Variants in VPS35L observed in about 807,000 individuals in gnomAD.
VPS35L encodes the protein VPS35 endosomal protein-sorting factor-like.
A neutral mutation model predicts 133.0 loss-of-function variants in VPS35L; 83 were observed. That is an observed-to-expected ratio of 0.62 (90% CI 0.52 to 0.75). The LOEUF (loss-of-function observed/expected upper bound fraction) is 0.75. VPS35L is among the 30% of genes least tolerant of loss of function. VPS35L has a pLI of 0.00. For missense variants in VPS35L, 1,083 were observed against 1,206.8 expected, an observed-to-expected ratio of 0.90 and a Z score of 1.52; for synonymous variants, 423 against 449.9, an observed-to-expected ratio of 0.94 and a Z score of 0.76.
chr16:19,630,879 C>A (rs1255523784), intron 18 of VPS35L, among the ~76,000 whole-genome samples: 1 of 152,058 alleles, frequency 6.6e-6, no homozygotes, highest in Non-Finnish European at 1.5e-5. Context: ...TATGGTGACA[C>A]CTGCCTGTAG....
At chr16:19,681,434 T>C (rs1395568015) in intron 27 of VPS35L, among the ~76,000 whole-genome samples, 1 of 152,132 alleles carries the variant, frequency 6.6e-6, no homozygotes, top group African/African-American at 2.4e-5. Context: ...CCCACCTTAA[T>C]GTGGCTGGGG....
At chr16:19,596,331 A>G (rs1019827838) in intron 8 of VPS35L, among the ~76,000 whole-genome samples, 3 of 151,892 alleles carry the variant, frequency 2.0e-5, no homozygotes, top group Non-Finnish European at 2.9e-5. Context: ...CCACAGTGCA[A>G]TGGGGTGATC....
chr16:19,655,026 T>C lies in VPS35L; in HGVS notation c.2221+2936T>C, dbSNP rs552478077. 7.2e-5 allele frequency among the ~76,000 whole-genome samples: 11 copies of C among 152,324 alleles called. 1 individual carries two copies. The highest frequency in any genetic ancestry group is 3.4e-3 in the Middle Eastern group (1 of 294). Reference sequence around the variant, plus strand: ...AAAGATTTGGTGCTCCCAAGAACTGTTGAAGGAGAGCTGTAAGTAGTTTCT... The same window carrying C: ...AAAGATTTGGTGCTCCCAAGAACTGCTGAAGGAGAGCTGTAAGTAGTTTCT... On this transcript the variant is annotated intron_variant, in intron 26 of 30. Transcript: ENST00000417362.
At position 19,637,577 on chromosome 16, in the gene VPS35L, GTT is replaced by G. The variant is rs745335832; in HGVS notation, c.1636-15_1636-14del. On this transcript the variant is annotated splice_polypyrimidine_tract_variant and intron_variant, in intron 19 of 30. Transcript: ENST00000417362. ...TTAAGTTTTTAAAAATAATATTTTT[GTT>G]TGTTTGTTTTACAGCTTCAGTTAAT... 4.0e-6 allele frequency: 6 copies of G among 1,482,248 alleles called. No homozygotes were observed. The highest frequency in any genetic ancestry group is 5.5e-6 in the Non-Finnish European group (6 of 1,094,342). 91.8% of individuals were successfully genotyped at this position (1,482,248 alleles called of 1,614,324 possible).
intron 8 of VPS35L, 165 bp from the exon 9 acceptor site, chr16:19,601,499 C>CA (rs928646172): frequency 1.1e-4 from 66 of 628,418 alleles, no homozygotes; most frequent in Admixed American, 9.9e-4. Flanking sequence ...AAAAACAAAA[C>CA]AAAAAAAATG....
At chr16:19,695,896 ATTTTT>A (rs770219816) in intron 29 of VPS35L, among the ~76,000 whole-genome samples, 14 of 147,942 alleles carry the variant, frequency 9.5e-5, no homozygotes, top group African/African-American at 3.3e-4. Flanking sequence ...CTTTTATTTT[ATTTTT>A]TTTTTGAGAC....
chr16:19,610,211 A>C (rs1972666675), intron 11 of VPS35L, 111 bp from the exon 12 acceptor site: 2 of 909,260 alleles, frequency 2.2e-6, no homozygotes, highest in African/African-American at 1.7e-5. Flanking sequence ...CTGAAACTTG[A>C]TTTTTCCCCC....
At chr16:19,697,146 CG>C (rs1336100632) in intron 29 of VPS35L, among the ~76,000 whole-genome samples, 1 of 152,190 alleles carries the variant, frequency 6.6e-6, no homozygotes, top group Admixed American at 6.5e-5. Flanking sequence ...TTGTAGCCCG[CG>C]GGCCTGGGCG....
rs1973341972 is a variant in VPS35L at position 19,628,562 on chromosome 16, T to C, written c.1384-75T>C. The C allele has an allele frequency of 3.7e-6, 3 of 811,614 alleles. No homozygotes were observed. In the South Asian group the frequency reaches 5.4e-5, roughly 15 times the overall value. 50.3% of individuals were successfully genotyped at this position (811,614 alleles called of 1,614,324 possible). The stretch of plus-strand genomic sequence containing the variant: ...AAGGATTAAACATTACAACCTTTTC[T>C]CTTTTCTTTTCTTTGAGCTTCAAGT... On this transcript the variant is annotated intron_variant, in intron 16 of 30. Coordinates refer to ENST00000417362, the MANE Select transcript of VPS35L (RefSeq NM_020314.7).
At chr16:19,570,172 C>A (rs989115504) in intron 3 of VPS35L, among the ~76,000 whole-genome samples, 3 of 152,110 alleles carry the variant, frequency 2.0e-5, no homozygotes, top group Non-Finnish European at 2.9e-5. Context: ...TCAAGCAATT[C>A]TCTCACCTCA....
rs1972053215 is a variant in VPS35L at position 19,591,821 on chromosome 16, T to C, written c.671T>C (p.Ile224Thr). 4 of 1,613,346 alleles carry C rather than the reference T, an allele frequency of 2.5e-6. No homozygotes were observed. The highest frequency in any genetic ancestry group is 2.7e-5 in the African/African-American group (2 of 75,008). ...AAGCTTCTTTCAGACACCAGTGTTA[T>C]TCAGTTCTACCCAAGCAAATTTGTC... ...CSKLLSDTSV[I>T]QFYPSKFVLI... Residue 224 changes from isoleucine to threonine, a missense_variant, in exon 8 of 31, where the codon ATT becomes ACT. Ile to Thr is a moderately conservative substitution (Grantham distance 89, BLOSUM62 -1). Transcript: ENST00000417362.
intron 7 of VPS35L, among the ~76,000 whole-genome samples, 190 bp from the exon 8 acceptor site, chr16:19,591,600 A>G (rs943825343): frequency 6.6e-6 from 1 of 152,016 alleles, no homozygotes; most frequent in African/African-American, 2.4e-5. Flanking sequence ...TGTTGTAAGC[A>G]GAGTCCGGCT....
chr16:19,571,179 A>G (rs1173677324), intron 3 of VPS35L, among the ~76,000 whole-genome samples: 2 of 151,688 alleles, frequency 1.3e-5, no homozygotes, highest in Non-Finnish European at 2.9e-5. Flanking sequence ...CCTGTGTTTC[A>G]TATATTATTT....
At chr16:19,669,531 C>T (rs1974806829) in intron 27 of VPS35L, among the ~76,000 whole-genome samples, 1 of 152,094 alleles carries the variant, frequency 6.6e-6, no homozygotes, top group Admixed American at 6.6e-5. Context: ...TACAAAGTGC[C>T]ATAGACTGGG....
chr16:19,614,555 C>T (rs1217917711), intron 12 of VPS35L, among the ~76,000 whole-genome samples: 2 of 152,192 alleles, frequency 1.3e-5, no homozygotes, highest in South Asian at 2.1e-4. Flanking sequence ...GGTCTACAGG[C>T]GTGCGCCACC....
chr16:19,678,050 C>T (rs576334704), intron 27 of VPS35L, among the ~76,000 whole-genome samples: 22 of 152,282 alleles, frequency 1.4e-4, no homozygotes, highest in East Asian at 3.9e-4. Flanking sequence ...TCTGCCCAGC[C>T]GCCATGCTCA....
At chr16:19,612,923 C>T (rs554005651) in intron 12 of VPS35L, among the ~76,000 whole-genome samples, 1 of 152,286 alleles carries the variant, frequency 6.6e-6, no homozygotes. Flanking sequence ...GAGTGCCCTG[C>T]GTCTGTTGAA....
intron 29 of VPS35L, among the ~76,000 whole-genome samples, chr16:19,694,837 C>G (rs1975846388): frequency 6.6e-6 from 1 of 152,068 alleles, no homozygotes; most frequent in Admixed American, 6.5e-5. Context: ...GAAACCCCAC[C>G]TCTACTAAAA....
At chr16:19,612,828 T>C (rs940956633) in intron 12 of VPS35L, among the ~76,000 whole-genome samples, 1 of 152,134 alleles carries the variant, frequency 6.6e-6, no homozygotes, top group Non-Finnish European at 1.5e-5. Context: ...TAAAGTGCCT[T>C]TGAATGGCAG....
Sources: allele counts gnomAD v4.1 joint callset (sites outside exome capture counted in the v4.1 genomes callset), GRCh38; gene constraint gnomAD v4.1.1; transcripts MANE v1.5; gene names NCBI Gene and HGNC (gene_info 2026-07-23, HGNC 2026-07-21).